PGCKA1: variants seen among roughly 807,000 people sequenced by gnomAD.
PGCKA1 encodes the protein PDCD10 and GCKIII kinases associated 1, also known as PDCD10 and GCKIII kinases-associated protein 1.
chr4:37,571,695 G>A, the PGCKA1 span, among the ~76,000 whole-genome samples: 3 of 151,904 alleles, frequency 2.0e-5, no homozygotes, highest in Admixed American at 6.6e-5. Flanking sequence ...CCGCCACCAC[G>A]CCTGGCTAAT....
At chr4:37,485,561 G>A in the PGCKA1 span, among the ~76,000 whole-genome samples, 1 of 152,046 alleles carries the variant, frequency 6.6e-6, no homozygotes, top group Non-Finnish European at 1.5e-5. Context: ...ATAAATCTCT[G>A]GTCTTTATAA....
the PGCKA1 span, among the ~76,000 whole-genome samples, chr4:37,539,078 C>T: frequency 6.6e-6 from 1 of 152,126 alleles, no homozygotes; most frequent in East Asian, 1.9e-4. Context: ...GCTAAGGAAT[C>T]TGGGAGTGGC....
chr4:37,515,691 T>G, the PGCKA1 span, among the ~76,000 whole-genome samples: 1 of 152,226 alleles, frequency 6.6e-6, no homozygotes. Context: ...AAAAACACTG[T>G]CCTGTACAAT....
the PGCKA1 span, among the ~76,000 whole-genome samples, chr4:37,527,946 G>A: frequency 6.8e-3 from 1,029 of 152,282 alleles, 24 homozygotes; most frequent in East Asian, 0.074. Context: ...GTGTGTGGTA[G>A]GCTACACCAT....
At chr4:37,487,994 T>A in the PGCKA1 span, among the ~76,000 whole-genome samples, 1 of 152,192 alleles carries the variant, frequency 6.6e-6, no homozygotes, top group South Asian at 2.1e-4. Context: ...CTATTATGAA[T>A]AAAGCTAATA....
the PGCKA1 span, among the ~76,000 whole-genome samples, chr4:37,531,168 T>A: frequency 6.6e-6 from 1 of 152,236 alleles, no homozygotes; most frequent in Non-Finnish European, 1.5e-5. Flanking sequence ...TTTATATGCG[T>A]TGTCTGTAAT....
At chr4:37,522,111 C>A in the PGCKA1 span, among the ~76,000 whole-genome samples, 2 of 152,128 alleles carry the variant, frequency 1.3e-5, no homozygotes, top group Non-Finnish European at 2.9e-5. Flanking sequence ...GGCCCTGGAG[C>A]TCTACAATCA....
the PGCKA1 span, among the ~76,000 whole-genome samples, chr4:37,537,670 C>T: frequency 6.6e-6 from 1 of 152,134 alleles, no homozygotes; most frequent in African/African-American, 2.4e-5. Context: ...ACAGGAAGTC[C>T]AAGTTATTCA....
the PGCKA1 span, among the ~76,000 whole-genome samples, chr4:37,556,074 A>G: frequency 6.6e-6 from 1 of 152,104 alleles, no homozygotes; most frequent in African/African-American, 2.4e-5. Flanking sequence ...TTGTTACCTA[A>G]AATCTGCAGT....
At chr4:37,506,184 T>C in the PGCKA1 span, among the ~76,000 whole-genome samples, 1 of 152,226 alleles carries the variant, frequency 6.6e-6, no homozygotes, top group Non-Finnish European at 1.5e-5. Flanking sequence ...CTACTTTTCT[T>C]AGTCTGGCTA....
the PGCKA1 span, among the ~76,000 whole-genome samples, chr4:37,502,405 G>A: frequency 6.6e-6 from 1 of 152,204 alleles, no homozygotes; most frequent in Non-Finnish European, 1.5e-5. Flanking sequence ...CGTGGGTAGG[G>A]TGCTGGTGGA....
the PGCKA1 span, among the ~76,000 whole-genome samples, chr4:37,559,864 C>G: frequency 6.6e-6 from 1 of 152,338 alleles, no homozygotes; most frequent in East Asian, 1.9e-4. Flanking sequence ...TCCCCTCACT[C>G]TGTGTCTCCT....
the PGCKA1 span, among the ~76,000 whole-genome samples, chr4:37,463,557 G>A: frequency 3.0e-4 from 46 of 152,302 alleles, no homozygotes; most frequent in African/African-American, 1.1e-3. Flanking sequence ...TCCCCCTGCT[G>A]TAAAATGAGT....
At chr4:37,546,323 C>G in the PGCKA1 span, among the ~76,000 whole-genome samples, 2 of 152,202 alleles carry the variant, frequency 1.3e-5, no homozygotes, top group African/African-American at 4.8e-5. Context: ...CTGGGCCTGC[C>G]TGGCCTAAAC....
the PGCKA1 span, among the ~76,000 whole-genome samples, chr4:37,502,197 C>T: frequency 6.6e-6 from 1 of 152,222 alleles, no homozygotes; most frequent in Non-Finnish European, 1.5e-5. Flanking sequence ...TCCTCATTCA[C>T]ACATGCCAGC....
chr4:37,525,112 G>A, the PGCKA1 span, among the ~76,000 whole-genome samples: 1 of 152,186 alleles, frequency 6.6e-6, no homozygotes, highest in Non-Finnish European at 1.5e-5. Flanking sequence ...TGTTTCCTCT[G>A]GGATAGGAAA....
chr4:37,510,655 G>T, the PGCKA1 span, among the ~76,000 whole-genome samples: 1 of 152,098 alleles, frequency 6.6e-6, no homozygotes, highest in Non-Finnish European at 1.5e-5. Flanking sequence ...CACTGGGTCA[G>T]ACCTGAAGCC....
At chr4:37,546,549 A>G in the PGCKA1 span, among the ~76,000 whole-genome samples, 1 of 152,224 alleles carries the variant, frequency 6.6e-6, no homozygotes, top group Non-Finnish European at 1.5e-5. Flanking sequence ...AGGGATAGAA[A>G]TTGTGCAGTC....
At chr4:37,568,640 G>T in the PGCKA1 span, among the ~76,000 whole-genome samples, 1 of 152,198 alleles carries the variant, frequency 6.6e-6, no homozygotes, top group Middle Eastern at 3.2e-3. Context: ...GTGGACGTAG[G>T]ACCCAGAGGG....
Sources: allele counts gnomAD v4.1 joint callset (sites outside exome capture counted in the v4.1 genomes callset), GRCh38; gene constraint gnomAD v4.1.1; transcripts MANE v1.5; gene names NCBI Gene and HGNC (gene_info 2026-07-23, HGNC 2026-07-21).